The following KTN1 variants were observed in gnomAD, a reference collection of about 807,000 sequenced individuals.
KTN1 encodes the protein kinectin.
In KTN1, 130 loss-of-function variants were observed where a neutral mutation model predicts 222.5. The observed-to-expected ratio is 0.58, with a 90% confidence interval of 0.51 to 0.68. The LOEUF is 0.68. Among genes scored for constraint, KTN1 ranks in the 30% least tolerant of loss-of-function variants. KTN1 has a pLI of 0.00. For missense variants in KTN1, 1,508 were observed against 1,500.4 expected (o/e 1.01, Z -0.08); for synonymous variants, 512 against 496.3 (o/e 1.03, Z -0.42).
chr14:55,613,086 CAT>C (rs1284111539), intron 2 of KTN1, among the ~76,000 whole-genome samples: 2 of 152,114 alleles, frequency 1.3e-5, no homozygotes, highest in South Asian at 2.1e-4. Flanking sequence ...TAACATTTAT[CAT>C]ATATCTGTTT....
chr14:55,676,696 T>G (rs1308806825), intron 41 of KTN1, among the ~76,000 whole-genome samples: 1 of 152,218 alleles, frequency 6.6e-6, no homozygotes, highest in African/African-American at 2.4e-5. Flanking sequence ...TTTAAATATT[T>G]GATATTCTAA....
rs546770511 is a variant in KTN1, at chr14:55,661,423, A to C, written c.3000-99A>C. ...GTACTTTTCAAGGTGCTATCTCTTG[A>C]TATTTTTATTTTGTAATAGCAAATG... On this transcript the variant is annotated intron_variant, in intron 31 of 43. Coordinates refer to ENST00000395314, the MANE Select transcript of KTN1 (RefSeq NM_001079521.2). 2.5e-5 allele frequency: 17 copies of C among 675,476 alleles called. No homozygotes were observed. In the East Asian group the frequency reaches 3.9e-4, roughly 15 times the overall value. 41.8% of individuals were successfully genotyped at this position (675,476 alleles called of 1,614,324 possible). A position where few individuals can be genotyped will look rare whatever the true frequency, so the allele number is the denominator to read the frequency against.
chr14:55,588,937 ATTG>A (rs1401317885), intron 1 of KTN1, among the ~76,000 whole-genome samples: 1 of 151,420 alleles, frequency 6.6e-6, no homozygotes, highest in Non-Finnish European at 1.5e-5. Flanking sequence ...TTTTTTTCAT[ATTG>A]TTGCAGTCTC....
At chr14:55,627,300 A>G (rs947955820) in intron 5 of KTN1, among the ~76,000 whole-genome samples, 2 of 152,124 alleles carry the variant, frequency 1.3e-5, no homozygotes, top group Non-Finnish European at 2.9e-5. Flanking sequence ...ACACAACATT[A>G]AAGAGATTTT....
chr14:55,622,307 T>G (rs1423738958), intron 5 of KTN1, among the ~76,000 whole-genome samples: 1 of 152,134 alleles, frequency 6.6e-6, no homozygotes, highest in Non-Finnish European at 1.5e-5. Flanking sequence ...TCAGGACTAT[T>G]GTTGTGGGGG....
At chr14:55,582,303 C>T (rs1040918508) in intron 1 of KTN1, among the ~76,000 whole-genome samples, 3 of 152,162 alleles carry the variant, frequency 2.0e-5, no homozygotes, top group African/African-American at 7.2e-5. Context: ...AAATGCCTCA[C>T]TTCAGTCTCC....
Position 55,658,765 on chromosome 14 carries a change from C to T in KTN1, c.2961+151C>T, listed in dbSNP as rs2043782841. ...TCAAATTTTATATAAAAGAAAGCAA[C>T]TTGCTATGTCATATCCAAAGTAAAA... On this transcript the variant is annotated intron_variant, in intron 30 of 43. Coordinates refer to ENST00000395314, the MANE Select transcript of KTN1 (RefSeq NM_001079521.2). 3 of 588,732 alleles carry T rather than the reference C, an allele frequency of 5.1e-6. No homozygotes were observed. The Admixed American group carries it at 1.0e-4, about 20-fold the overall frequency. The allele number at this position is 588,732 out of a possible 1,614,324, so 36.5% of individuals were successfully genotyped here.
Position 55,658,581 on chromosome 14 carries a change from A to G in KTN1, c.2928A>G (p.Gln976=). Residue 976 remains glutamine (Q), a synonymous_variant, in exon 30 of 44, where the codon CAA becomes CAG. Transcript: ENST00000395314. ...VQDENKLFKS[Q]IEQLKQQNYQ... ...ATGAAAACAAATTGTTTAAGTCCCA[A>G]ATTGAGCAGCTTAAACAACAAAACT... 1.2e-6 allele frequency: 2 copies of G among 1,606,948 alleles called. No homozygotes were observed. Among genetic ancestry groups the G allele is most frequent in the East Asian group, 2.2e-5 (1 of 44,648 alleles).
Position 55,648,843 on chromosome 14 carries a change from A to G in KTN1, c.2340A>G (p.Gln780=), listed in dbSNP as rs1269171593. Reference sequence around the variant, plus strand: ...ATTCATCTCTGACAAAAGAAGTTCAAGACTTAAAAGCTAAGCAAAATGATC... The same window carrying G: ...ATTCATCTCTGACAAAAGAAGTTCAGGACTTAAAAGCTAAGCAAAATGATC... ...TENSSLTKEV[Q]DLKAKQNDQV... Residue 780 remains glutamine, a synonymous_variant, in exon 21 of 44, where the codon CAA becomes CAG. Coordinates refer to ENST00000395314, the MANE Select transcript of KTN1 (RefSeq NM_001079521.2). The G allele has an allele frequency of 2.5e-6, 4 of 1,604,050 alleles. No homozygotes were observed. The highest frequency in any genetic ancestry group is 2.2e-5 in the East Asian group (1 of 44,798).
At chr14:55,670,670 T>C in intron 34 of KTN1, 59 bp from the exon 35 acceptor site, 1 of 1,245,172 alleles carries the variant, frequency 8.0e-7, no homozygotes, top group Non-Finnish European at 1.1e-6. Context: ...GTTTCACCTG[T>C]TTTATTTGGA....
At chr14:55,631,752 G>C (rs1053481503) in intron 7 of KTN1, among the ~76,000 whole-genome samples, 28 of 152,156 alleles carry the variant, frequency 1.8e-4, no homozygotes, top group African/African-American at 6.7e-4. Context: ...ACTGCAGCCT[G>C]GGTGACAGGG....
chr14:55,673,758 GTCTT>G (rs1265104910), intron 40 of KTN1: 2 of 152,150 alleles, frequency 1.3e-5, no homozygotes, highest in Non-Finnish European at 2.9e-5. Context: ...GCGTATAAGA[GTCTT>G]TATTATCAAC....
At position 55,684,551 on chromosome 14, in the gene KTN1, A is replaced by T. The variant is rs972178345; in HGVS notation, c.*448A>T. On this transcript the variant is annotated 3_prime_UTR_variant, in exon 44 of 44. Transcript: ENST00000395314. Reference sequence around the variant, plus strand: ...TGTAATCGGTTTTTGTAATGGCGTCAGCAAATAAAAGGATGCTTATTATTC... The same window carrying T: ...TGTAATCGGTTTTTGTAATGGCGTCTGCAAATAAAAGGATGCTTATTATTC... The T allele has an allele frequency of 1.6e-5, 3 of 193,496 alleles. No homozygotes were observed. The highest frequency in any genetic ancestry group is 3.2e-5 in the Non-Finnish European group (3 of 92,888). The allele number at this position is 193,496 out of a possible 1,614,324, so 12.0% of individuals were successfully genotyped here.
rs765063223 is a variant in KTN1, at chr14:55,627,920, G to T, written c.972G>T (p.Lys324Asn). 1 of 1,595,382 alleles carries T rather than the reference G, an allele frequency of 6.3e-7. No individual in the cohort carries two copies. The highest frequency in any genetic ancestry group is 2.2e-5 in the East Asian group (1 of 44,786). The change falls in exon 6 of 44, where the codon AAG becomes AAT. Residue 324 changes from lysine (K) to asparagine (N), a missense_variant. Coordinates refer to ENST00000395314, the MANE Select transcript of KTN1 (RefSeq NM_001079521.2). The part of the protein sequence containing the change: ...VIQDALKKSS[K>N]GELTTLIHQL... ...TGCTTTCTCAATTGCAGTCAAGTAA[G>T]GGAGAATTGACTACGCTTATACATC...
intron 5 of KTN1, among the ~76,000 whole-genome samples, chr14:55,624,350 T>C (rs1486845877): frequency 6.6e-6 from 1 of 152,208 alleles, no homozygotes; most frequent in Non-Finnish European, 1.5e-5. Context: ...TAGGATTTTT[T>C]GAGCAGTTGT....
At chr14:55,625,425 A>G (rs960648089) in intron 5 of KTN1, among the ~76,000 whole-genome samples, 1 of 152,200 alleles carries the variant, frequency 6.6e-6, no homozygotes, top group Non-Finnish European at 1.5e-5. Context: ...AGGAGGAACT[A>G]CTGTTATACC....
intron 1 of KTN1, among the ~76,000 whole-genome samples, chr14:55,582,651 A>G (rs1458275409): frequency 3.9e-5 from 6 of 152,208 alleles, no homozygotes; most frequent in Non-Finnish European, 7.4e-5. Flanking sequence ...TTGTATGCCT[A>G]TAATTTTTAT....
chr14:55,637,175 TA>T, intron 10 of KTN1, 22 bp from the exon 11 acceptor site: 1 of 1,553,808 alleles, frequency 6.4e-7, no homozygotes, highest in Non-Finnish European at 8.8e-7. Context: ...GAGACCTCTG[TA>T]AAATGTAATG....
chr14:55,580,826 C>T (rs1566634218), intron 1 of KTN1, among the ~76,000 whole-genome samples: 1 of 152,102 alleles, frequency 6.6e-6, no homozygotes, highest in Non-Finnish European at 1.5e-5. Flanking sequence ...GTCCCCGGGC[C>T]GGAGCTGGGC....
Sources: allele counts gnomAD v4.1 joint callset (sites outside exome capture counted in the v4.1 genomes callset), GRCh38; gene constraint gnomAD v4.1.1; transcripts MANE v1.5; gene names NCBI Gene and HGNC (gene_info 2026-07-23, HGNC 2026-07-21).